The following COLEC12 variants were observed in gnomAD, a reference collection of about 807,000 sequenced individuals.
COLEC12 encodes the protein collectin subfamily member 12.
Under a neutral mutation model 71.1 loss-of-function variants are expected in COLEC12, and 33 were observed. That is an observed-to-expected ratio of 0.46 (90% CI 0.35 to 0.62). The LOEUF is 0.62. Among genes scored for constraint, COLEC12 ranks in the 20% least tolerant of loss-of-function variants. The pLI is 0.00. For synonymous variants in COLEC12, 350 were observed against 353.0 expected (o/e 0.99, Z 0.10); for missense variants, 765 against 916.1 (o/e 0.84, Z 2.13).
At chr18:347,388 G>A in intron 4 of COLEC12, 47 bp from the exon 5 acceptor site, 1 of 1,505,286 alleles carries the variant, frequency 6.6e-7, no homozygotes, top group Non-Finnish European at 9.1e-7. Context: ...ATGGAGAAGT[G>A]TTCAGGCAAG....
intron 5 of COLEC12, among the ~76,000 whole-genome samples, chr18:343,645 G>A (rs1049304603): frequency 6.6e-6 from 1 of 152,104 alleles, no homozygotes; most frequent in Non-Finnish European, 1.5e-5. Context: ...GGGGTGACCG[G>A]GTACCGTAGG....
At chr18:475,323 G>C (rs373248603) in intron 2 of COLEC12, among the ~76,000 whole-genome samples, 25 of 152,084 alleles carry the variant, frequency 1.6e-4, no homozygotes, top group Admixed American at 1.6e-3. Context: ...TTACTCAGTC[G>C]TTCCCCACAG....
intron 2 of COLEC12, among the ~76,000 whole-genome samples, chr18:479,795 G>A (rs1232977748): frequency 6.6e-6 from 1 of 151,926 alleles, no homozygotes; most frequent in Non-Finnish European, 1.5e-5. Flanking sequence ...AGTTTCCTGC[G>A]GCTGCTGTAA....
intron 5 of COLEC12, among the ~76,000 whole-genome samples, chr18:336,045 G>A (rs1034416093): frequency 6.6e-6 from 1 of 152,184 alleles, no homozygotes; most frequent in Non-Finnish European, 1.5e-5. Context: ...ATTTATTAAA[G>A]GCTTATATGA....
At chr18:464,422 G>A (rs1239785083) in intron 2 of COLEC12, among the ~76,000 whole-genome samples, 4 of 152,302 alleles carry the variant, frequency 2.6e-5, no homozygotes, top group East Asian at 1.9e-4. Flanking sequence ...AATGCTCCTC[G>A]TTGCTACTGG....
At chr18:469,049 A>G (rs910467315) in intron 2 of COLEC12, among the ~76,000 whole-genome samples, 8 of 152,248 alleles carry the variant, frequency 5.3e-5, no homozygotes, top group Non-Finnish European at 1.0e-4. Context: ...CTGCCTTCCA[A>G]ACTTCTTTTA....
At chr18:471,804 C>A (rs1917204003) in intron 2 of COLEC12, among the ~76,000 whole-genome samples, 1 of 151,814 alleles carries the variant, frequency 6.6e-6, no homozygotes, top group Non-Finnish European at 1.5e-5. Flanking sequence ...ACCATTCCTC[C>A]CCAAGTAATT....
rs533863345 is a variant in COLEC12, at chr18:493,122, G to A, written c.7+7386C>T. 5.9e-5 allele frequency among the ~76,000 whole-genome samples: 9 copies of A among 152,252 alleles called. No individual in the cohort carries two copies. In the East Asian group the frequency reaches 9.7e-4, roughly 16 times the overall value. ...CTTGGGAGGCTGAGGCAGGAGAATCGCTCGAACCCAAGAGACAGAGGTTAC... is the reference window on the plus strand; with the variant it reads ...CTTGGGAGGCTGAGGCAGGAGAATCACTCGAACCCAAGAGACAGAGGTTAC... On this transcript the variant is annotated intron_variant, in intron 1 of 9. Coordinates refer to ENST00000400256, the MANE Select transcript of COLEC12 (RefSeq NM_130386.3).
At chr18:433,939 G>A (rs1396475146) in intron 2 of COLEC12, among the ~76,000 whole-genome samples, 3 of 146,818 alleles carry the variant, frequency 2.0e-5, no homozygotes, top group Non-Finnish European at 4.5e-5. Flanking sequence ...ACCCCAGCCT[G>A]GGCGACAAAG....
At position 327,563 on chromosome 18, in the gene COLEC12, T is replaced by C. The variant is rs192164647; in HGVS notation, c.2063+4105A>G. Among the ~76,000 whole-genome samples, 31 of 152,344 alleles carry C rather than the reference T, an allele frequency of 2.0e-4. No individual in the cohort carries two copies. Among genetic ancestry groups the C allele is most frequent in the African/African-American group, 7.0e-4 (29 of 41,586 alleles). On this transcript the variant is annotated intron_variant, in intron 8 of 9. Coordinates refer to ENST00000400256, the MANE Select transcript of COLEC12 (RefSeq NM_130386.3). This position sits in a 1 kb window ranked among gnomAD's most constrained non-coding sequence, Gnocchi z 4.0. ...TCAATCTGTGTGTCCCCTAAGCCTT[T>C]GGCTTCTGTTCCATGTCACTATTGC...
At chr18:430,486 T>C (rs4797149) in intron 2 of COLEC12, among the ~76,000 whole-genome samples, 28,130 of 152,110 alleles carry the variant, frequency 0.18, 2,885 homozygotes, top group Middle Eastern at 0.24. Context: ...TTTTGAAAAA[T>C]AGTCTTTCCC....
intron 2 of COLEC12, among the ~76,000 whole-genome samples, chr18:384,573 G>A (rs1915303153): frequency 6.6e-6 from 1 of 152,140 alleles, no homozygotes; most frequent in East Asian, 1.9e-4. Flanking sequence ...CTTTGAGCAG[G>A]GAGTAGGAGG....
intron 2 of COLEC12, among the ~76,000 whole-genome samples, chr18:358,998 G>A (rs117958002): frequency 0.012 from 1,785 of 152,012 alleles, 16 homozygotes; most frequent in Non-Finnish European, 0.019. Flanking sequence ...TGATAATTAC[G>A]ATGATAATTT....
intron 1 of COLEC12, among the ~76,000 whole-genome samples, chr18:493,409 A>G (rs1329762744): frequency 1.3e-5 from 2 of 152,194 alleles, no homozygotes; most frequent in East Asian, 1.9e-4. Context: ...TGCTTGCCCT[A>G]TTAATGTAAT....
chr18:465,593 T>C (rs1214983273), intron 2 of COLEC12, among the ~76,000 whole-genome samples: 1 of 152,214 alleles, frequency 6.6e-6, no homozygotes, highest in Non-Finnish European at 1.5e-5. Context: ...AGTAACCTGA[T>C]TAAATAATCC....
At chr18:489,335 A>G (rs1221223157) in intron 1 of COLEC12, among the ~76,000 whole-genome samples, 2 of 152,226 alleles carry the variant, frequency 1.3e-5, no homozygotes, top group Admixed American at 6.5e-5. Context: ...AGAATCCCCA[A>G]AAATGTACAT....
intron 3 of COLEC12, 26 bp from the exon 4 acceptor site, chr18:348,189 G>T: frequency 2.2e-6 from 3 of 1,339,640 alleles, no homozygotes; most frequent in East Asian, 2.3e-5. Context: ...TGATGCATTA[G>T]TATACATATC....
At chr18:368,613 C>T (rs1914909762) in intron 2 of COLEC12, among the ~76,000 whole-genome samples, 1 of 149,958 alleles carries the variant, frequency 6.7e-6, no homozygotes, top group African/African-American at 2.5e-5. Context: ...GCCTGTAATC[C>T]CAGAACTTTG....
chr18:381,115 A>G (rs1305212179), intron 2 of COLEC12, among the ~76,000 whole-genome samples: 2 of 152,194 alleles, frequency 1.3e-5, no homozygotes, highest in African/African-American at 4.8e-5. Context: ...AGAGAAAGCA[A>G]GGTAAGTACT....
Sources: allele counts gnomAD v4.1 joint callset (sites outside exome capture counted in the v4.1 genomes callset), GRCh38; gene constraint gnomAD v4.1.1; non-coding constraint Gnocchi (gnomAD v3.1); transcripts MANE v1.5; gene names NCBI Gene and HGNC (gene_info 2026-07-23, HGNC 2026-07-21).